Variants in PIEZO2 observed in about 807,000 individuals in gnomAD.
PIEZO2 encodes the protein piezo-type mechanosensitive ion channel component 2.
A neutral mutation model predicts 337.3 loss-of-function variants in PIEZO2; 172 were observed. The observed-to-expected ratio is 0.51, with a 90% CI of 0.45 to 0.58. The LOEUF (loss-of-function observed/expected upper bound fraction) is 0.58. Ranked by LOEUF, PIEZO2 falls within the 20% of genes least tolerant of loss-of-function variation. The pLI, the probability that PIEZO2 is intolerant of heterozygous loss-of-function variation, is 0.00. For missense variants in PIEZO2, 3,028 were observed against 3,391.3 expected, an observed-to-expected ratio of 0.89 and a Z score of 2.66; for synonymous variants, 1,251 against 1,228.5, an observed-to-expected ratio of 1.02 and a Z score of -0.38.
At chr18:11,114,744 A>G (rs573936277) in intron 1 of PIEZO2, among the ~76,000 whole-genome samples, 30 of 152,276 alleles carry the variant, frequency 2.0e-4, no homozygotes, top group Non-Finnish European at 4.0e-4. Context: ...GATAGACTGC[A>G]GTTAACAGGA....
chr18:10,807,411 C>G, intron 7 of PIEZO2, 137 bp from the exon 8 acceptor site: 1 of 715,750 alleles, frequency 1.4e-6, no homozygotes, highest in South Asian at 2.2e-5. Context: ...ATTTCAATTA[C>G]CCTTCTGTAT....
In PIEZO2 at chr18:10,769,971, C is replaced by T. The variant is rs139576840; in HGVS notation, c.2946+177G>A. On this transcript the variant is annotated intron_variant, in intron 21 of 55. Coordinates refer to ENST00000674853, the MANE Select transcript of PIEZO2 (RefSeq NM_001378183.1). ...GAGAAACTCAGCCACGAGCCTCTTT[C>T]CTTTTTCTCAGTGCTGCTGACCCTC... is the stretch of plus-strand genomic sequence containing the variant. 9 of 606,608 alleles carry T rather than the reference C, an allele frequency of 1.5e-5. No individual in the cohort carries two copies. In the South Asian group the frequency reaches 2.7e-4, roughly 18 times the overall value. 37.6% of individuals were successfully genotyped at this position (606,608 alleles called of 1,614,324 possible). A position where few individuals can be genotyped will look rare whatever the true frequency, so the allele number is the denominator to read the frequency against.
chr18:11,085,169 T>G (rs1568360717), intron 1 of PIEZO2, among the ~76,000 whole-genome samples: 1 of 152,200 alleles, frequency 6.6e-6, no homozygotes, highest in African/African-American at 2.4e-5. Flanking sequence ...CCAAGTATTA[T>G]CGGCAGCTAG....
At chr18:10,687,140 T>A (rs1398346486) in intron 49 of PIEZO2, among the ~76,000 whole-genome samples, 1 of 152,166 alleles carries the variant, frequency 6.6e-6, no homozygotes, top group East Asian at 1.9e-4. Flanking sequence ...CCTTTTATTT[T>A]GAGTTCAGGG....
At chr18:11,122,307 G>T (rs921811160) in intron 1 of PIEZO2, among the ~76,000 whole-genome samples, 5 of 152,126 alleles carry the variant, frequency 3.3e-5, no homozygotes, top group African/African-American at 1.2e-4. Context: ...CAGGACCATT[G>T]ATAGACATTA....
At chr18:10,947,120 T>A (rs534672824) in intron 3 of PIEZO2, among the ~76,000 whole-genome samples, 54 of 151,506 alleles carry the variant, frequency 3.6e-4, no homozygotes, top group Middle Eastern at 3.2e-3. Context: ...AGAGAGATGA[T>A]AGAGGATAGA....
At position 11,028,926 on chromosome 18, in the gene PIEZO2, G is replaced by A. The variant is rs2145751594; in HGVS notation, c.160+37201C>T. Among the ~76,000 whole-genome samples, 1 of 152,240 alleles carries A rather than the reference G, an allele frequency of 6.6e-6. No homozygotes were observed. Among genetic ancestry groups the A allele is most frequent in the South Asian group, 2.1e-4 (1 of 4,824 alleles). ...GGAAACAGAGTTGAAAAAAAATTTA[G>A]ATAAGATGGCATGGAACATTTTACC... On this transcript the variant is annotated intron_variant, in intron 2 of 55. Transcript: ENST00000674853. The surrounding 1 kb of genome is among the most constrained non-coding windows in gnomAD (Gnocchi z 4.8).
intron 1 of PIEZO2, among the ~76,000 whole-genome samples, chr18:11,140,316 T>C (rs988081232): frequency 6.6e-6 from 1 of 152,204 alleles, no homozygotes; most frequent in African/African-American, 2.4e-5. Flanking sequence ...CCAAGGTAGC[T>C]CTGGCATTTC....
In PIEZO2 at chr18:10,749,995, T is replaced by C. The variant is rs1030529194; in HGVS notation, c.4264+96A>G. ...CTGGAGAAAACTGACCCCACTTTTA[T>C]ATCTTTATGTGCTTTGGCCCACTTT... On this transcript the variant is annotated intron_variant, in intron 29 of 55. Transcript: ENST00000674853. The C allele has an allele frequency of 1.5e-5, 13 of 892,044 alleles. No individual in the cohort carries two copies. In the South Asian group the frequency reaches 1.8e-4, roughly 12 times the overall value. The allele number at this position is 892,044 out of a possible 1,614,324, so 55.3% of individuals were successfully genotyped here.
At position 10,676,512 on chromosome 18, in the gene PIEZO2, GTTTTTTTCCAAA is replaced by G. The variant is rs1490317250; in HGVS notation, c.8081+1223_8082-1225del. On this transcript the variant is annotated intron_variant, in intron 53 of 55. Transcript: ENST00000674853. This position sits in a 1 kb window ranked among gnomAD's most constrained non-coding sequence, Gnocchi z 5.1. ...GATAGTATTTTGAGATATATAATAT[GTTTTTTTCCAAA>G]TTTCCTTTTACCCCTTGTCCTCCTC... 2.0e-5 allele frequency among the ~76,000 whole-genome samples: 3 copies of G among 152,140 alleles called. No individual in the cohort carries two copies. The highest frequency in any genetic ancestry group is 2.9e-5 in the Non-Finnish European group (2 of 68,004).
intron 10 of PIEZO2, 98 bp from the exon 11 acceptor site, chr18:10,800,573 T>TTAGG: frequency 1.5e-6 from 2 of 1,346,834 alleles, no homozygotes; most frequent in Non-Finnish European, 1.9e-6. Flanking sequence ...AACTGAACAG[T>TTAGG]GAGGAGTTGA....
At chr18:10,991,519 T>C (rs1448503617) in intron 2 of PIEZO2, among the ~76,000 whole-genome samples, 1 of 152,094 alleles carries the variant, frequency 6.6e-6, no homozygotes, top group African/African-American at 2.4e-5. Flanking sequence ...CTGAGAATGA[T>C]GGTTTCCAGC....
rs376280196 is a variant in PIEZO2 at position 10,969,220 on chromosome 18, C to T, written c.286+10315G>A. Among the ~76,000 whole-genome samples the T allele has an allele frequency of 2.4e-4, 36 of 152,310 alleles. No individual in the cohort carries two copies. The South Asian group carries it at 4.6e-3, about 19-fold the overall frequency. ...AGGTTGAGTTTACTTCCATACCACACGGACTTGCGTTAGTGCTTTTATTGT... is the reference window on the plus strand; with the variant it reads ...AGGTTGAGTTTACTTCCATACCACATGGACTTGCGTTAGTGCTTTTATTGT... On this transcript the variant is annotated intron_variant, in intron 3 of 55. Coordinates refer to ENST00000674853, the MANE Select transcript of PIEZO2 (RefSeq NM_001378183.1). The surrounding 1 kb of genome is among the most constrained non-coding windows in gnomAD (Gnocchi z 4.5).
chr18:10,888,856 T>C lies in PIEZO2; in HGVS notation c.330-17441A>G, dbSNP rs2042679847. Among the ~76,000 whole-genome samples the C allele has an allele frequency of 6.6e-6, 1 of 151,716 alleles. No individual in the cohort carries two copies. The highest frequency in any genetic ancestry group is 1.5e-5 in the Non-Finnish European group (1 of 67,982). On this transcript the variant is annotated intron_variant, in intron 4 of 55. Transcript: ENST00000674853. This position sits in a 1 kb window ranked among gnomAD's most constrained non-coding sequence, Gnocchi z 4.1. ...CAACCCCCGAGACAGAGCCACTTTC[T>C]CATACAGGGTACACTTCCACCAACA...
At chr18:10,995,115 A>T (rs1042298343) in intron 2 of PIEZO2, among the ~76,000 whole-genome samples, 2 of 151,242 alleles carry the variant, frequency 1.3e-5, no homozygotes, top group Non-Finnish European at 2.9e-5. Flanking sequence ...TTCCCTGCTC[A>T]TCATATCCAT....
intron 13 of PIEZO2, among the ~76,000 whole-genome samples, chr18:10,793,613 TAAGTTACC>T (rs2039483813): frequency 6.6e-6 from 1 of 152,198 alleles, no homozygotes; most frequent in Non-Finnish European, 1.5e-5. Context: ...AGAATAAGAC[TAAGTTACC>T]AATTGTGTGT....
intron 36 of PIEZO2, among the ~76,000 whole-genome samples, chr18:10,722,127 G>T: frequency 7.3e-6 from 1 of 136,208 alleles, no homozygotes; most frequent in African/African-American, 2.7e-5. Flanking sequence ...CTCAAGCCTG[G>T]CAACAGAGCA....
At chr18:10,985,704 A>G (rs1212447735) in intron 2 of PIEZO2, among the ~76,000 whole-genome samples, 1 of 152,050 alleles carries the variant, frequency 6.6e-6, no homozygotes, top group Non-Finnish European at 1.5e-5. Context: ...AAGACTCATG[A>G]TAATTACAAA....
At chr18:11,023,912 G>GGGCCGGCAGGACT (rs1395108154) in intron 2 of PIEZO2, among the ~76,000 whole-genome samples, 1 of 152,226 alleles carries the variant, frequency 6.6e-6, no homozygotes, top group Non-Finnish European at 1.5e-5. Flanking sequence ...TCATTGCCCG[G>GGGCCGGCAGGACT]GGCCGGCAGG....
Sources: allele counts gnomAD v4.1 joint callset (sites outside exome capture counted in the v4.1 genomes callset), GRCh38; gene constraint gnomAD v4.1.1; non-coding constraint Gnocchi (gnomAD v3.1); transcripts MANE v1.5; gene names NCBI Gene and HGNC (gene_info 2026-07-23, HGNC 2026-07-21).